SPOCK1: variants seen among roughly 807,000 people sequenced by gnomAD.
The protein encoded by SPOCK1 is SPARC (osteonectin), cwcv and kazal like domains proteoglycan 1.
In SPOCK1, 23 loss-of-function variants were observed where a neutral mutation model predicts 55.3. The observed-to-expected ratio is 0.42, with a 90% CI of 0.30 to 0.59. SPOCK1 has a LOEUF of 0.59. Ranked by LOEUF, SPOCK1 falls within the 20% of genes least tolerant of loss-of-function variation. The pLI is 0.22. For missense variants in SPOCK1, 499 were observed against 552.5 expected, an observed-to-expected ratio of 0.90 and a Z score of 0.97; for synonymous variants, 226 against 221.0, an observed-to-expected ratio of 1.02 and a Z score of -0.20.
intron 2 of SPOCK1, among the ~76,000 whole-genome samples, chr5:137,400,103 A>G (rs1212141329): frequency 1.3e-5 from 2 of 152,214 alleles, no homozygotes; most frequent in Non-Finnish European, 2.9e-5. Context: ...GCTTGCACAC[A>G]TGGGCGTTAA....
At chr5:137,124,661 T>C (rs549888977) in intron 4 of SPOCK1, among the ~76,000 whole-genome samples, 5 of 152,294 alleles carry the variant, frequency 3.3e-5, no homozygotes, top group Non-Finnish European at 5.9e-5. Context: ...TCTCCTTTTT[T>C]ACTTCCTTAA....
At chr5:137,024,318 G>GGGGGT (rs1554093479) in intron 6 of SPOCK1, among the ~76,000 whole-genome samples, 3 of 148,714 alleles carry the variant, frequency 2.0e-5, no homozygotes, top group Admixed American at 6.7e-5. Context: ...GTTTGAAGGG[G>GGGGGT]GGGGGGTAGT....
At chr5:137,274,057 T>A (rs1297628615) in intron 2 of SPOCK1, among the ~76,000 whole-genome samples, 1 of 152,210 alleles carries the variant, frequency 6.6e-6, no homozygotes, top group Non-Finnish European at 1.5e-5. Flanking sequence ...CCCACTGGCT[T>A]GTTCTTTTCC....
intron 6 of SPOCK1, among the ~76,000 whole-genome samples, chr5:137,041,423 C>T (rs561401530): frequency 2.6e-4 from 40 of 152,152 alleles, no homozygotes; most frequent in African/African-American, 9.2e-4. Flanking sequence ...GAGTTTGGTG[C>T]TGAACCAAAA....
At chr5:137,187,497 A>C (rs558548075) in intron 3 of SPOCK1, among the ~76,000 whole-genome samples, 97 of 152,100 alleles carry the variant, frequency 6.4e-4, no homozygotes, top group Non-Finnish European at 1.2e-3. Flanking sequence ...GCAACCTATC[A>C]TAATTTCTCA....
At chr5:137,496,996 G>A (rs1463159186) in intron 2 of SPOCK1, among the ~76,000 whole-genome samples, 3 of 152,228 alleles carry the variant, frequency 2.0e-5, no homozygotes, top group African/African-American at 7.2e-5. Flanking sequence ...AGGAGGAACA[G>A]AGAGGAGAGT....
intron 2 of SPOCK1, among the ~76,000 whole-genome samples, chr5:137,398,790 C>A (rs1489692439): frequency 6.6e-6 from 1 of 152,150 alleles, no homozygotes; most frequent in Non-Finnish European, 1.5e-5. Flanking sequence ...CTTGTTTATT[C>A]CTGCAAATGA....
At chr5:137,243,367 G>A (rs924534388) in intron 3 of SPOCK1, among the ~76,000 whole-genome samples, 4 of 152,146 alleles carry the variant, frequency 2.6e-5, no homozygotes, top group Non-Finnish European at 4.4e-5. Context: ...TTCAGTATCA[G>A]AGCCTTTCTA....
intron 2 of SPOCK1, among the ~76,000 whole-genome samples, chr5:137,419,725 T>C (rs1460291883): frequency 6.6e-6 from 1 of 152,192 alleles, no homozygotes; most frequent in East Asian, 1.9e-4. Flanking sequence ...GTTTTCTAGA[T>C]ATACAATCAT....
At chr5:137,079,660 C>T (rs546032676) in intron 5 of SPOCK1, among the ~76,000 whole-genome samples, 30 of 152,222 alleles carry the variant, frequency 2.0e-4, no homozygotes, top group African/African-American at 5.8e-4. Flanking sequence ...GATGCTGCTT[C>T]TTCAACAACA....
chr5:137,063,791 A>G (rs940097313), intron 6 of SPOCK1, among the ~76,000 whole-genome samples: 11 of 152,234 alleles, frequency 7.2e-5, no homozygotes, highest in African/African-American at 2.7e-4. Context: ...TTGAAAGCCA[A>G]TTTGAGGCAA....
Position 137,146,634 on chromosome 5 carries a change from G to A in SPOCK1, c.233-5940C>T, listed in dbSNP as rs959808099. 3.9e-5 allele frequency among the ~76,000 whole-genome samples: 6 copies of A among 152,268 alleles called. No homozygotes were observed. In the East Asian group the frequency reaches 5.8e-4, roughly 15 times the overall value. On this transcript the variant is annotated intron_variant, in intron 3 of 10. Transcript: ENST00000394945. ...AGCTTGTCTGTCCCCATGGTAACCC[G>A]TGCATGCATCTTGCCTCCCTTGTCT...
chr5:137,337,202 T>C (rs1750299903), intron 2 of SPOCK1, among the ~76,000 whole-genome samples: 1 of 152,294 alleles, frequency 6.6e-6, no homozygotes, highest in East Asian at 1.9e-4. Context: ...AAAAGTACAG[T>C]GTATCTCCAG....
chr5:137,263,850 A>G (rs930551962), intron 3 of SPOCK1, among the ~76,000 whole-genome samples: 4 of 152,202 alleles, frequency 2.6e-5, no homozygotes, highest in African/African-American at 4.8e-5. Context: ...TCACTTAAAG[A>G]TAACAAGTTA....
intron 6 of SPOCK1, 47 bp downstream of exon 6, chr5:137,067,668 A>AC (rs756928583): frequency 9.2e-6 from 14 of 1,525,586 alleles, no homozygotes; most frequent in African/African-American, 8.2e-5. Flanking sequence ...ACCCTCTGTG[A>AC]CCCCCCATTC....
At chr5:137,140,103 C>T (rs1242670700) in intron 4 of SPOCK1, among the ~76,000 whole-genome samples, 2 of 152,044 alleles carry the variant, frequency 1.3e-5, no homozygotes, top group African/African-American at 2.4e-5. Flanking sequence ...GAAGGCAGGA[C>T]CCAAAAACCA....
intron 5 of SPOCK1, among the ~76,000 whole-genome samples, chr5:137,098,296 T>G (rs1442046633): frequency 6.6e-6 from 1 of 152,176 alleles, no homozygotes; most frequent in East Asian, 1.9e-4. Flanking sequence ...CCAGCCCTCC[T>G]CTTCCCCACA....
intron 3 of SPOCK1, among the ~76,000 whole-genome samples, chr5:137,150,537 C>A (rs1436123180): frequency 6.6e-6 from 1 of 152,034 alleles, no homozygotes; most frequent in Non-Finnish European, 1.5e-5. Flanking sequence ...CATTCAAGCA[C>A]TGTTGGTAAG....
chr5:137,254,098 C>G (rs1016912345), intron 3 of SPOCK1, among the ~76,000 whole-genome samples: 1 of 152,212 alleles, frequency 6.6e-6, no homozygotes, highest in African/African-American at 2.4e-5. Context: ...AAGAACAACT[C>G]AGGATTGACC....
Sources: allele counts gnomAD v4.1 joint callset (sites outside exome capture counted in the v4.1 genomes callset), GRCh38; gene constraint gnomAD v4.1.1; transcripts MANE v1.5; gene names NCBI Gene and HGNC (gene_info 2026-07-23, HGNC 2026-07-21).